The following KLHDC8A variants were observed in gnomAD, a reference collection of about 807,000 sequenced individuals.
KLHDC8A encodes kelch domain containing 8A, also known as kelch domain-containing protein 8A.
In KLHDC8A, 21 loss-of-function variants were observed where a neutral mutation model predicts 33.1. The ratio of observed to expected loss-of-function variants is 0.64; its 90% CI spans 0.45 to 0.91. The LOEUF is 0.91. KLHDC8A is among the 40% of genes least tolerant of loss of function. The pLI, the probability that KLHDC8A is intolerant of heterozygous loss-of-function variation, is 0.00. For missense variants in KLHDC8A, 435 were observed against 483.3 expected, an observed-to-expected ratio of 0.90 and a Z score of 0.94; for synonymous variants, 173 against 193.5, an observed-to-expected ratio of 0.89 and a Z score of 0.88.
chr1:205,355,806 T>A (rs755012449), intron 1 of KLHDC8A, among the ~76,000 whole-genome samples: 1 of 152,236 alleles, frequency 6.6e-6, no homozygotes, highest in Non-Finnish European at 1.5e-5. Context: ...TCTATGTAGA[T>A]ATTCTTTCTT....
chr1:205,338,498 G>C lies in KLHDC8A; in HGVS notation c.856C>G (p.Leu286Val), dbSNP rs1262936628. Residue 286 changes from leucine to valine, a missense_variant, in exon 5 of 6, where the codon CTT becomes GTT. Coordinates refer to ENST00000367155, the MANE Select transcript of KLHDC8A (RefSeq NM_018203.3). ...LSGRVIVAGG[L>V]GNQPTVLETA... is the part of the protein sequence containing the mutation. Reference sequence around the variant, plus strand: ...AGCGTGAAAGCGCCATCCTTACCAAGTCCCCCAGCCACTATGACCCGTCCA... The same window carrying C: ...AGCGTGAAAGCGCCATCCTTACCAACTCCCCCAGCCACTATGACCCGTCCA... The C allele has an allele frequency of 1.2e-6, 2 of 1,611,826 alleles. No homozygotes were observed. Among genetic ancestry groups the C allele is most frequent in the Admixed American group, 1.7e-5 (1 of 59,948 alleles).
In KLHDC8A at chr1:205,343,364, T is replaced by C. The variant is rs1553383938; in HGVS notation, c.241A>G (p.Ile81Val). ...GVAVTALGKR[I>V]MVIGGVGTNQ... ...GTGCCCACGCCCCCAATCACCATGA[T>C]CCGCTTCCCCAGGGCGGTGACGGCC... Residue 81 changes from isoleucine to valine, a missense_variant, in exon 2 of 6, where the codon ATC (isoleucine) becomes GTC (valine). Coordinates refer to ENST00000367155, the MANE Select transcript of KLHDC8A (RefSeq NM_018203.3). The C allele has an allele frequency of 6.2e-7, 1 of 1,613,758 alleles. No individual in the cohort carries two copies. Among genetic ancestry groups the C allele is most frequent in the Non-Finnish European group, 8.5e-7 (1 of 1,179,974 alleles).
intron 1 of KLHDC8A, chr1:205,351,253 A>T: frequency 1.2e-6 from 1 of 816,654 alleles, no homozygotes; most frequent in Non-Finnish European, 2.2e-6. Flanking sequence ...CACCATGAGC[A>T]AAGCTCACCC....
rs936293663 is a variant in KLHDC8A at position 205,339,575 on chromosome 1, AC to A, written c.541+68del. 150 of 1,552,394 alleles carry A rather than the reference AC, an allele frequency of 9.7e-5. No homozygotes were observed. Among genetic ancestry groups the A allele is most frequent in the Admixed American group, 1.5e-4 (9 of 58,584 alleles). On this transcript the variant is annotated intron_variant, in intron 3 of 5. Coordinates refer to ENST00000367155, the MANE Select transcript of KLHDC8A (RefSeq NM_018203.3). The surrounding 1 kb of genome is among the most constrained non-coding windows in gnomAD (Gnocchi z 5.1). ...CCGAGGAGATGCTCAGCACACAGGC[AC>A]TGCTTCCTATGGGAACTGAGCCAAG... is the stretch of plus-strand genomic sequence containing the variant.
At chr1:205,350,098 C>T (rs917166081) in intron 1 of KLHDC8A, among the ~76,000 whole-genome samples, 18 of 152,180 alleles carry the variant, frequency 1.2e-4, no homozygotes, top group African/African-American at 3.9e-4. Flanking sequence ...CCAGGTGATA[C>T]GATCGCAGAG....
At chr1:205,354,076 A>C (rs1663196630) in intron 1 of KLHDC8A, among the ~76,000 whole-genome samples, 1 of 152,192 alleles carries the variant, frequency 6.6e-6, no homozygotes, top group African/African-American at 2.4e-5. Context: ...TACCCCCATG[A>C]ACAGGCAGGG....
At chr1:205,353,618 C>T (rs1022943412) in intron 1 of KLHDC8A, among the ~76,000 whole-genome samples, 1 of 152,156 alleles carries the variant, frequency 6.6e-6, no homozygotes. Flanking sequence ...TCACTGCAGC[C>T]TCCCGGGCCC....
intron 2 of KLHDC8A, among the ~76,000 whole-genome samples, chr1:205,341,912 A>G (rs797002717): frequency 2.6e-4 from 39 of 152,164 alleles, no homozygotes; most frequent in African/African-American, 9.2e-4. Context: ...GCCTCCCAAA[A>G]TGCTGGGATT....
chr1:205,356,463 G>C (rs111493259), intron 1 of KLHDC8A, 70 bp downstream of exon 1: 252 of 450,094 alleles, frequency 5.6e-4, no homozygotes, highest in African/African-American at 4.1e-3. Flanking sequence ...ACCACTGCCT[G>C]TCTCCCCACC....
At chr1:205,344,933 C>T (rs1025864763) in intron 1 of KLHDC8A, among the ~76,000 whole-genome samples, 3 of 152,186 alleles carry the variant, frequency 2.0e-5, no homozygotes. Context: ...CCACCGCCAC[C>T]ATCACCCTTC....
intron 1 of KLHDC8A, among the ~76,000 whole-genome samples, chr1:205,346,205 C>T (rs2102291079): frequency 6.6e-6 from 1 of 152,324 alleles, no homozygotes; most frequent in Middle Eastern, 3.4e-3. Context: ...ATTCCAAAAG[C>T]ATGGGGTGTG....
At chr1:205,351,601 TCAAAAAAAAA>T in intron 1 of KLHDC8A, 1 of 257,828 alleles carries the variant, frequency 3.9e-6, no homozygotes, top group South Asian at 3.7e-5. Flanking sequence ...TCTGTAATAG[TCAAAAAAAAA>T]AAAAAAAAAA....
chr1:205,343,085 G>A, intron 2 of KLHDC8A, 144 bp downstream of exon 2: 4 of 1,182,776 alleles, frequency 3.4e-6, no homozygotes, highest in Non-Finnish European at 4.6e-6. Flanking sequence ...GGGAGGTGCA[G>A]GCATTTTGCT....
At chr1:205,338,717 T>C in intron 4 of KLHDC8A, 121 bp from the exon 5 acceptor site, 1 of 732,396 alleles carries the variant, frequency 1.4e-6, no homozygotes, top group Non-Finnish European at 2.3e-6. Context: ...CTATTTATCC[T>C]TTATGCTTGG....
At position 205,339,921 on chromosome 1, in the gene KLHDC8A, C is replaced by T. The variant is rs770694620; in HGVS notation, c.377-113G>A. On this transcript the variant is annotated intron_variant, in intron 2 of 5. Transcript: ENST00000367155. The surrounding 1 kb of genome is among the most constrained non-coding windows in gnomAD (Gnocchi z 5.1). ...GCCAAGCTTTCAACCACTGCTCAGCCAGAGTGAGTCATATCTGTATCAGTG... is the reference window on the plus strand; with the variant it reads ...GCCAAGCTTTCAACCACTGCTCAGCTAGAGTGAGTCATATCTGTATCAGTG... 1 of 866,720 alleles carries T rather than the reference C, an allele frequency of 1.2e-6. No individual in the cohort carries two copies. Among genetic ancestry groups the T allele is most frequent in the Non-Finnish European group, 1.8e-6 (1 of 558,822 alleles). 53.7% of individuals were successfully genotyped at this position (866,720 alleles called of 1,614,324 possible). A position where few individuals can be genotyped will look rare whatever the true frequency, so the allele number is the denominator to read the frequency against.
At position 205,339,059 on chromosome 1, in the gene KLHDC8A, G is replaced by T; in HGVS notation, c.757+135C>A. The T allele has an allele frequency of 6.0e-6, 4 of 669,826 alleles. No individual in the cohort carries two copies. The highest frequency in any genetic ancestry group is 1.0e-5 in the Non-Finnish European group (4 of 388,174). The allele number at this position is 669,826 out of a possible 1,614,324, so 41.5% of individuals were successfully genotyped here. On this transcript the variant is annotated intron_variant, in intron 4 of 5. Coordinates refer to ENST00000367155, the MANE Select transcript of KLHDC8A (RefSeq NM_018203.3). This position sits in a 1 kb window ranked among gnomAD's most constrained non-coding sequence, Gnocchi z 5.1. ...CAAGAGTAGCCCTGAGTGGAGAGGG[G>T]TGCTGAGACTTCTGAGAAGCTTGCC...
intron 2 of KLHDC8A, among the ~76,000 whole-genome samples, chr1:205,341,886 T>G (rs1382910289): frequency 6.6e-6 from 1 of 152,164 alleles, no homozygotes; most frequent in Non-Finnish European, 1.5e-5. Context: ...CCTGACCTCA[T>G]GATCCGCCCG....
Position 205,337,582 on chromosome 1 carries a change from G to A in KLHDC8A, c.870C>T (p.Pro290=), listed in dbSNP as rs200128965. 4.3e-6 allele frequency: 7 copies of A among 1,610,130 alleles called. No homozygotes were observed. Among genetic ancestry groups the A allele is most frequent in the Non-Finnish European group, 5.9e-6 (7 of 1,177,754 alleles). ...ATGCTTCCGCCGTCTCCAGGACAGTGGGTTGATTCCCTGAAAGTGTCAAGG... is the reference window on the plus strand; with the variant it reads ...ATGCTTCCGCCGTCTCCAGGACAGTAGGTTGATTCCCTGAAAGTGTCAAGG... ...VIVAGGLGNQ[P]TVLETAEAFH... Residue 290 remains proline (P), a synonymous_variant, in exon 6 of 6, where the codon CCC becomes CCT. Coordinates refer to ENST00000367155, the MANE Select transcript of KLHDC8A (RefSeq NM_018203.3).
chr1:205,349,895 T>C (rs560183985), intron 1 of KLHDC8A, among the ~76,000 whole-genome samples: 1 of 152,276 alleles, frequency 6.6e-6, no homozygotes, highest in South Asian at 2.1e-4. Context: ...TGTGCAACTA[T>C]GGGCAAGTCA....
Sources: gnomAD v4.1 joint callset for allele counts (sites outside exome capture counted in the v4.1 genomes callset) on GRCh38, gnomAD v4.1.1 for gene constraint, Gnocchi (gnomAD v3.1) non-coding constraint, MANE v1.5 for transcripts, NCBI Gene and HGNC (gene_info 2026-07-23, HGNC 2026-07-21) for gene names.